Variants in TMEM243 observed in about 807,000 individuals in gnomAD.
TMEM243 encodes the protein MDR1 and mitochondrial taxol resistance associated.
TMEM243 carries 20 observed loss-of-function variants against 15.0 expected under a neutral mutation model. The ratio of observed to expected loss-of-function variants is 1.33; its 90% CI spans 0.94 to 1.93. The LOEUF (loss-of-function observed/expected upper bound fraction) is 1.93, where lower values mean the gene tolerates loss of function less well. Among genes scored for constraint, TMEM243 ranks in the 30% most tolerant of loss-of-function variants. TMEM243 has a pLI of 0.00. For synonymous variants in TMEM243, 72 were observed against 52.7 expected (o/e 1.37, Z -1.59); for missense variants, 156 against 142.1 (o/e 1.10, Z -0.50).
intron 1 of TMEM243, among the ~76,000 whole-genome samples, chr7:87,210,998 G>C (rs1304323749): frequency 6.6e-6 from 1 of 152,222 alleles, no homozygotes; most frequent in South Asian, 2.1e-4. Flanking sequence ...GCTGGAGCTG[G>C]AGCAGCTGTG....
In TMEM243 at chr7:87,196,761, A is replaced by G; in HGVS notation, c.235-3T>C. 6.5e-7 allele frequency: 1 copy of G among 1,533,854 alleles called. No homozygotes were observed. Among genetic ancestry groups the G allele is most frequent in the Non-Finnish European group, 8.8e-7 (1 of 1,131,016 alleles). ...TCTCCTTGTCGATACCAGTAGATCTAAAAGAAGAATTAAAGTTTATAAATT... is the reference window on the plus strand; with the variant it reads ...TCTCCTTGTCGATACCAGTAGATCTGAAAGAAGAATTAAAGTTTATAAATT... On this transcript the variant is annotated splice_polypyrimidine_tract_variant and splice_region_variant and intron_variant, in intron 3 of 3. Transcript: ENST00000257637.
chr7:87,198,978 T>C, intron 2 of TMEM243, 29 bp downstream of exon 2: 1 of 1,573,418 alleles, frequency 6.4e-7, no homozygotes, highest in Non-Finnish European at 8.6e-7. Context: ...GCTAAGAGCC[T>C]GGGTGAGGCA....
chr7:87,218,508 C>T (rs1338083147), intron 1 of TMEM243: 1 of 152,184 alleles, frequency 6.6e-6, no homozygotes, highest in Non-Finnish European at 1.5e-5. Context: ...ACTAAGAAAT[C>T]CCGGAAGCTC....
intron 1 of TMEM243, chr7:87,218,752 A>C (rs1437602058): frequency 6.6e-6 from 1 of 152,312 alleles, no homozygotes; most frequent in African/African-American, 2.4e-5. Context: ...AACCAGGCAG[A>C]TCTTGCCCAA....
intron 1 of TMEM243, among the ~76,000 whole-genome samples, chr7:87,210,532 G>T (rs891028972): frequency 6.6e-6 from 1 of 152,204 alleles, no homozygotes; most frequent in Non-Finnish European, 1.5e-5. Context: ...ATTCCAAAAG[G>T]GAGAAATCAG....
chr7:87,204,741 GTGTC>G (rs1358696712), intron 1 of TMEM243, among the ~76,000 whole-genome samples: 3 of 152,222 alleles, frequency 2.0e-5, no homozygotes, highest in Non-Finnish European at 4.4e-5. Flanking sequence ...CTGGCCTTGA[GTGTC>G]TGTGGCTTTT....
chr7:87,203,562 C>T lies in TMEM243; in HGVS notation c.79-4505G>A, dbSNP rs374903897. On this transcript the variant is annotated intron_variant, in intron 1 of 3. Transcript: ENST00000257637. ...TCCAGGAGGTCAAGAGTGCAGTGAG[C>T]AAGGATCACGCCACTGCACTCCAGC... Among the ~76,000 whole-genome samples the T allele has an allele frequency of 2.1e-4, 31 of 149,296 alleles. No individual in the cohort carries two copies. In the East Asian group the frequency reaches 4.5e-3, roughly 22 times the overall value.
intron 3 of TMEM243, chr7:87,197,624 G>A (rs1218457513): frequency 2.3e-5 from 20 of 867,320 alleles, no homozygotes; most frequent in African/African-American, 3.5e-5. Flanking sequence ...TGGCCCTTAC[G>A]TAGTCCTTGA....
rs1469989545 is a variant in TMEM243 at position 87,196,330 on chromosome 7, C to G, written c.*306G>C. On this transcript the variant is annotated 3_prime_UTR_variant, in exon 4 of 4. Transcript: ENST00000257637. ...ATAAAAGAATATTTGTCTTAAGATG[C>G]AAGATTTGTTTTTACATAGCCTTTT... 3 of 225,036 alleles carry G rather than the reference C, an allele frequency of 1.3e-5. No homozygotes were observed. Among genetic ancestry groups the G allele is most frequent in the East Asian group, 1.1e-4 (1 of 8,806 alleles). 13.9% of individuals were successfully genotyped at this position (225,036 alleles called of 1,614,324 possible). A position where few individuals can be genotyped will look rare whatever the true frequency, so the allele number is the denominator to read the frequency against.
intron 1 of TMEM243, chr7:87,218,578 C>A (rs1184842298): frequency 7.2e-5 from 11 of 151,970 alleles, no homozygotes; most frequent in Admixed American, 7.2e-4. Flanking sequence ...AGGTCAAAGA[C>A]CACCAATGCC....
At chr7:87,207,313 C>CTGGAT (rs1562882691) in intron 1 of TMEM243, among the ~76,000 whole-genome samples, 1 of 44,090 alleles carries the variant, frequency 2.3e-5, no homozygotes, top group African/African-American at 7.7e-5. Flanking sequence ...AAGCAAAAGC[C>CTGGAT]GGCCGGGCGC....
At chr7:87,211,844 C>G (rs73210234) in intron 1 of TMEM243, among the ~76,000 whole-genome samples, 6,935 of 152,304 alleles carry the variant, frequency 0.046, 191 homozygotes, top group Middle Eastern at 0.071. Flanking sequence ...CTGGCTAACT[C>G]TAGGACGCCG....
At chr7:87,200,318 TAC>T (rs1242592278) in intron 1 of TMEM243, among the ~76,000 whole-genome samples, 5 of 152,104 alleles carry the variant, frequency 3.3e-5, no homozygotes, top group African/African-American at 4.8e-5. Context: ...TAGAGAAGCC[TAC>T]ACAGCACACA....
At chr7:87,212,421 T>C (rs748897421) in intron 1 of TMEM243, among the ~76,000 whole-genome samples, 27 of 152,200 alleles carry the variant, frequency 1.8e-4, no homozygotes, top group Non-Finnish European at 3.5e-4. Flanking sequence ...ACATAGCCTA[T>C]GAGCCAACTA....
Position 87,196,664 on chromosome 7 carries a change from T to C in TMEM243, c.329A>G (p.Asn110Ser), listed in dbSNP as rs148829746. ...CCTTCCCACATCATGGAAGTACAGG[T>C]TTGCACATATACACAACATGATGAT... is the stretch of plus-strand genomic sequence containing the variant. ...FSIIMLCICA[N>S]LYFHDVGR is the part of the protein sequence containing the mutation. The change falls in exon 4 of 4, where the codon AAC becomes AGC. Residue 110 changes from asparagine to serine, a missense_variant. Transcript: ENST00000257637. 80 of 1,610,208 alleles carry C rather than the reference T, an allele frequency of 5.0e-5. No homozygotes were observed. The African/African-American group carries it at 1.0e-3, about 21-fold the overall frequency.
At chr7:87,205,758 A>T (rs1273805864) in intron 1 of TMEM243, among the ~76,000 whole-genome samples, 1 of 152,168 alleles carries the variant, frequency 6.6e-6, no homozygotes, top group African/African-American at 2.4e-5. Flanking sequence ...AAACTTTCCC[A>T]CATCTTCCTG....
intron 1 of TMEM243, among the ~76,000 whole-genome samples, chr7:87,208,929 C>G (rs1356263052): frequency 6.6e-6 from 1 of 152,250 alleles, no homozygotes; most frequent in African/African-American, 2.4e-5. Flanking sequence ...CTCTGCCAAC[C>G]ACGATGGCTA....
rs374059256 is a variant in TMEM243, at chr7:87,206,198, A to G, written c.79-7141T>C. On this transcript the variant is annotated intron_variant, in intron 1 of 3. Transcript: ENST00000257637. ...TTATCTCCCACCGGGTCCCTCCCAC[A>G]ACACGTGGGAATTATGGGAGCTAAA... 3.5e-3 allele frequency among the ~76,000 whole-genome samples: 530 copies of G among 152,108 alleles called. 2 individuals are homozygous for G. Among genetic ancestry groups the G allele is most frequent in the Middle Eastern group, 0.01 (3 of 294 alleles).
chr7:87,209,950 GAGAGAC>G (rs1021357003), intron 1 of TMEM243, among the ~76,000 whole-genome samples: 2 of 131,562 alleles, frequency 1.5e-5, no homozygotes, highest in Non-Finnish European at 3.3e-5. Flanking sequence ...GAGGGGGACA[GAGAGAC>G]AGAGGAGGGG....
Sources: gnomAD v4.1 joint callset for allele counts (sites outside exome capture counted in the v4.1 genomes callset) on GRCh38, gnomAD v4.1.1 for gene constraint, MANE v1.5 for transcripts, NCBI Gene and HGNC (gene_info 2026-07-23, HGNC 2026-07-21) for gene names.